ASIC2: variants seen among roughly 807,000 people sequenced by gnomAD.
ASIC2 encodes the protein acid-sensing ion channel 2.
Under a neutral mutation model 57.3 loss-of-function variants are expected in ASIC2, and 25 were observed. The ratio of observed to expected loss-of-function variants is 0.44; its 90% CI spans 0.32 to 0.61. ASIC2 has a LOEUF of 0.61. ASIC2 is among the 20% of genes least tolerant of loss of function. The probability of loss-of-function intolerance (pLI) is 0.06; values close to 1 mark genes in which losing one functional copy is unlikely to be tolerated. For synonymous variants in ASIC2, 319 were observed against 307.5 expected (o/e 1.04, Z -0.39); for missense variants, 641 against 738.1 (o/e 0.87, Z 1.52).
At chr17:33,441,603 C>T (rs545356708) in intron 1 of ASIC2, among the ~76,000 whole-genome samples, 1 of 152,242 alleles carries the variant, frequency 6.6e-6, no homozygotes, top group South Asian at 2.1e-4. Context: ...GTCATTCTCA[C>T]CTCCTTCCTT....
intron 1 of ASIC2, among the ~76,000 whole-genome samples, chr17:33,873,842 C>T (rs1286087302): frequency 7.2e-5 from 11 of 152,132 alleles, no homozygotes; most frequent in Non-Finnish European, 5.9e-5. Context: ...CTCAAGCTCC[C>T]CTCTTTGTGA....
Position 33,545,458 on chromosome 17 carries a change from T to C in ASIC2, c.556-433391A>G, listed in dbSNP as rs531345034. On this transcript the variant is annotated intron_variant, in intron 1 of 9. Transcript: ENST00000359872. ...CTTAGAGCTCATTAAATGCAGCATA[T>C]TTTACCCGAGACGCGGATTTCTACT... 1.1e-4 allele frequency among the ~76,000 whole-genome samples: 17 copies of C among 152,280 alleles called. No individual in the cohort carries two copies. In the East Asian group the frequency reaches 2.5e-3, roughly 23 times the overall value.
intron 1 of ASIC2, among the ~76,000 whole-genome samples, chr17:33,826,892 A>T (rs1226202652): frequency 6.6e-6 from 1 of 152,202 alleles, no homozygotes; most frequent in African/African-American, 2.4e-5. Flanking sequence ...TTAGGAGAAC[A>T]TTATAAGATA....
At chr17:33,308,723 A>G (rs1200401063) in intron 1 of ASIC2, among the ~76,000 whole-genome samples, 1 of 152,244 alleles carries the variant, frequency 6.6e-6, no homozygotes, top group African/African-American at 2.4e-5. Context: ...TGACACACAC[A>G]AAACATTGGT....
chr17:33,555,246 C>G (rs1379361873), intron 1 of ASIC2, among the ~76,000 whole-genome samples: 1 of 152,118 alleles, frequency 6.6e-6, no homozygotes, highest in Non-Finnish European at 1.5e-5. Flanking sequence ...GCTTTTGGTC[C>G]GCTGCTGATT....
chr17:33,041,274 G>A (rs1237836209), intron 3 of ASIC2, among the ~76,000 whole-genome samples: 1 of 152,190 alleles, frequency 6.6e-6, no homozygotes, highest in Non-Finnish European at 1.5e-5. Context: ...TTAGACAATA[G>A]ACATGGATGC....
intron 1 of ASIC2, among the ~76,000 whole-genome samples, chr17:33,829,651 A>C (rs1913045896): frequency 6.6e-6 from 1 of 150,728 alleles, no homozygotes; most frequent in Admixed American, 6.6e-5. Flanking sequence ...ATCTCAGCTC[A>C]CTGCAAACTC....
At chr17:33,051,655 T>C (rs529423757) in intron 3 of ASIC2, among the ~76,000 whole-genome samples, 2 of 152,306 alleles carry the variant, frequency 1.3e-5, no homozygotes, top group African/African-American at 2.4e-5. Context: ...GTGAACTTCT[T>C]TGAGTATCAG....
intron 1 of ASIC2, among the ~76,000 whole-genome samples, chr17:33,285,652 C>T (rs998021726): frequency 3.9e-5 from 6 of 152,230 alleles, no homozygotes; most frequent in African/African-American, 1.4e-4. Context: ...CTGATGGACT[C>T]CTTCCTCATG....
chr17:33,304,190 A>G (rs1345315535), intron 1 of ASIC2, among the ~76,000 whole-genome samples: 1 of 152,254 alleles, frequency 6.6e-6, no homozygotes, highest in Non-Finnish European at 1.5e-5. Context: ...AGTGTTTTGC[A>G]TTAGATATAA....
intron 1 of ASIC2, among the ~76,000 whole-genome samples, chr17:33,438,413 G>A (rs11080220): frequency 0.35 from 52,949 of 152,002 alleles, 9,299 homozygotes; most frequent in Middle Eastern, 0.44. Context: ...GAAGCAAAGA[G>A]TTGAAGAACA....
intron 1 of ASIC2, among the ~76,000 whole-genome samples, chr17:33,605,950 G>A (rs1597805168): frequency 6.6e-6 from 1 of 152,324 alleles, no homozygotes; most frequent in Admixed American, 6.5e-5. Flanking sequence ...GGGGTGAGTG[G>A]CACAGGCACA....
chr17:33,450,334 T>C (rs1912200671), intron 1 of ASIC2, among the ~76,000 whole-genome samples: 1 of 152,228 alleles, frequency 6.6e-6, no homozygotes, highest in Non-Finnish European at 1.5e-5. Flanking sequence ...CTGGTTTTAT[T>C]TAGGTATAAC....
intron 1 of ASIC2, chr17:34,039,775 T>G: frequency 6.2e-7 from 1 of 1,611,722 alleles, no homozygotes; most frequent in South Asian, 1.1e-5. Context: ...GTTGGAAGAC[T>G]CACTATTAAG....
intron 1 of ASIC2, among the ~76,000 whole-genome samples, chr17:33,359,657 G>C (rs993314787): frequency 2.6e-5 from 4 of 152,160 alleles, no homozygotes; most frequent in Admixed American, 6.5e-5. Flanking sequence ...AAAAGCTCTA[G>C]CCAAAAGAAA....
At chr17:33,890,482 C>T (rs1221482216) in intron 1 of ASIC2, among the ~76,000 whole-genome samples, 1 of 152,234 alleles carries the variant, frequency 6.6e-6, no homozygotes, top group Non-Finnish European at 1.5e-5. Flanking sequence ...GCTTTCAACA[C>T]AATCCTCCTT....
intron 1 of ASIC2, among the ~76,000 whole-genome samples, chr17:33,112,495 G>A (rs1299724535): frequency 6.6e-6 from 1 of 152,104 alleles, no homozygotes; most frequent in African/African-American, 2.4e-5. Flanking sequence ...CAGACCCTGG[G>A]CACTCAGCTT....
At chr17:33,065,167 T>C (rs1037526228) in intron 3 of ASIC2, among the ~76,000 whole-genome samples, 1 of 152,196 alleles carries the variant, frequency 6.6e-6, no homozygotes, top group African/African-American at 2.4e-5. Context: ...CTGTATTTAT[T>C]GAAAATGATT....
rs138574314 is a variant in ASIC2, at chr17:34,029,061, A to G, written c.555+126917T>C. Among the ~76,000 whole-genome samples, 975 of 152,226 alleles carry G rather than the reference A, an allele frequency of 6.4e-3. 13 individuals carry two copies. The highest frequency in any genetic ancestry group is 0.022 in the African/African-American group (912 of 41,536). ...CTTCGTTCAAACGAAGTCTTCCTTG[A>G]TCATCCCCCTCCTACCTCCCCCACA... is the stretch of plus-strand genomic sequence containing the variant. On this transcript the variant is annotated intron_variant, in intron 1 of 9. Coordinates refer to the ASIC2 transcript ENST00000359872.
Sources: gnomAD v4.1 joint callset for allele counts (sites outside exome capture counted in the v4.1 genomes callset) on GRCh38, gnomAD v4.1.1 for gene constraint, MANE v1.5 for transcripts, NCBI Gene and HGNC (gene_info 2026-07-23, HGNC 2026-07-21) for gene names.